The following USP32 variants were observed in gnomAD, a reference collection of about 807,000 sequenced individuals.
USP32 encodes ubiquitin carboxyl-terminal hydrolase 32.
USP32 carries 59 observed loss-of-function variants against 204.8 expected under a neutral mutation model. That is an observed-to-expected ratio of 0.29 (90% CI 0.23 to 0.36). The LOEUF is 0.36. Ranked by LOEUF, USP32 falls within the 10% of genes least tolerant of loss-of-function variation. The pLI, the probability that USP32 is intolerant of heterozygous loss-of-function variation, is 1.00. For synonymous variants in USP32, 517 were observed against 678.4 expected (o/e 0.76, Z 3.70); for missense variants, 1,160 against 1,946.4 (o/e 0.60, Z 7.60).
chr17:60,326,771 T>TA (rs928174008), intron 2 of USP32, among the ~76,000 whole-genome samples: 22 of 152,334 alleles, frequency 1.4e-4, no homozygotes, highest in African/African-American at 4.8e-4. Context: ...CAAAGAGACT[T>TA]ACTAAGTTTT....
intron 32 of USP32, among the ~76,000 whole-genome samples, chr17:60,180,888 T>C (rs2084093171): frequency 6.6e-6 from 1 of 150,560 alleles, no homozygotes; most frequent in African/African-American, 2.4e-5. Flanking sequence ...ATTATTATTA[T>C]TATTATTATT....
intron 33 of USP32, 81 bp from the exon 34 acceptor site, chr17:60,179,509 C>G: frequency 6.5e-7 from 1 of 1,548,454 alleles, no homozygotes; most frequent in South Asian, 1.2e-5. Flanking sequence ...GAAGACCAAC[C>G]CTCTGTAATT....
chr17:60,269,842 GT>G (rs2145783409), intron 6 of USP32, among the ~76,000 whole-genome samples: 1 of 151,404 alleles, frequency 6.6e-6, no homozygotes, highest in Admixed American at 6.6e-5. Context: ...TATTTTTGAA[GT>G]CAATAAATAA....
At chr17:60,298,133 T>G (rs958834791) in intron 3 of USP32, among the ~76,000 whole-genome samples, 15 of 148,734 alleles carry the variant, frequency 1.0e-4, no homozygotes, top group Admixed American at 9.9e-4. Context: ...TGCATTTAAA[T>G]ATTAAGTTTC....
At chr17:60,183,741 A>G (rs913720272) in intron 30 of USP32, among the ~76,000 whole-genome samples, 1 of 152,198 alleles carries the variant, frequency 6.6e-6, no homozygotes, top group African/African-American at 2.4e-5. Flanking sequence ...AGAGTCCACA[A>G]AGGCTTAGCC....
chr17:60,239,848 C>G (rs982099919), intron 11 of USP32, among the ~76,000 whole-genome samples: 1 of 152,214 alleles, frequency 6.6e-6, no homozygotes, highest in African/African-American at 2.4e-5. Flanking sequence ...ATTCTCCTGC[C>G]TCAACCTTCC....
intron 9 of USP32, among the ~76,000 whole-genome samples, chr17:60,263,094 A>G (rs1249429840): frequency 6.6e-6 from 1 of 151,962 alleles, no homozygotes; most frequent in Non-Finnish European, 1.5e-5. Flanking sequence ...AACTATAGAC[A>G]TGTGCTACTG....
chr17:60,338,188 G>A (rs911714265), intron 2 of USP32, among the ~76,000 whole-genome samples: 1 of 151,968 alleles, frequency 6.6e-6, no homozygotes, highest in African/African-American at 2.4e-5. Flanking sequence ...AGCTGGGCAT[G>A]GTGGTACATG....
At chr17:60,397,213 A>C (rs76772744) in intron 1 of USP32, among the ~76,000 whole-genome samples, 1,586 of 152,352 alleles carry the variant, frequency 0.01, 37 homozygotes, top group African/African-American at 0.037. Flanking sequence ...TTTCTAGATA[A>C]TAATAACTTT....
At chr17:60,240,938 A>T (rs1355881262) in intron 11 of USP32, among the ~76,000 whole-genome samples, 1 of 152,196 alleles carries the variant, frequency 6.6e-6, no homozygotes, top group Non-Finnish European at 1.5e-5. Context: ...TAAGTATAAC[A>T]TAGCTGAGCA....
At chr17:60,352,031 T>C (rs2088962462) in intron 1 of USP32, among the ~76,000 whole-genome samples, 1 of 152,048 alleles carries the variant, frequency 6.6e-6, no homozygotes, top group Admixed American at 6.5e-5. Flanking sequence ...GCAAGTAGTA[T>C]GATATAAATG....
chr17:60,298,571 T>C (rs778126186), intron 3 of USP32, among the ~76,000 whole-genome samples: 1 of 152,136 alleles, frequency 6.6e-6, no homozygotes, highest in Non-Finnish European at 1.5e-5. Flanking sequence ...TACTGTTACC[T>C]TAAGCTCCTA....
intron 5 of USP32, among the ~76,000 whole-genome samples, chr17:60,271,938 A>G (rs1426881268): frequency 6.6e-6 from 1 of 151,956 alleles, no homozygotes; most frequent in African/African-American, 2.4e-5. Context: ...CAGCCTCCCA[A>G]GTAGCTAGGA....
At chr17:60,271,524 C>T (rs1037404620) in intron 5 of USP32, 43 bp from the exon 6 acceptor site, 1 of 1,597,362 alleles carries the variant, frequency 6.3e-7, no homozygotes. Context: ...TCAGAATTCT[C>T]TTCTCAGGAG....
intron 5 of USP32, among the ~76,000 whole-genome samples, chr17:60,278,091 G>C (rs934004430): frequency 2.0e-5 from 3 of 151,908 alleles, no homozygotes; most frequent in East Asian, 3.9e-4. Context: ...ATTTTTTGTA[G>C]AGACGGGCCT....
intron 15 of USP32, 106 bp downstream of exon 15, chr17:60,222,303 A>G: frequency 7.6e-7 from 1 of 1,308,818 alleles, no homozygotes; most frequent in South Asian, 1.5e-5. Context: ...CTCTTCTACC[A>G]CAAGGTAAGA....
intron 1 of USP32, among the ~76,000 whole-genome samples, chr17:60,352,650 C>G (rs114480715): frequency 6.6e-6 from 1 of 152,080 alleles, no homozygotes; most frequent in Non-Finnish European, 1.5e-5. Context: ...ACATTGGTGT[C>G]GATGCAATAA....
chr17:60,278,528 A>G (rs1051139663), intron 5 of USP32, among the ~76,000 whole-genome samples: 22 of 152,218 alleles, frequency 1.4e-4, no homozygotes, highest in African/African-American at 4.8e-4. Context: ...CAGGATGTGT[A>G]AAAGTCTGAA....
intron 2 of USP32, among the ~76,000 whole-genome samples, chr17:60,327,100 T>C (rs1214223394): frequency 6.6e-6 from 1 of 152,236 alleles, no homozygotes; most frequent in Non-Finnish European, 1.5e-5. Flanking sequence ...ATTGGTTGTA[T>C]ATTTTCAAAT....
Sources: allele counts gnomAD v4.1 joint callset (sites outside exome capture counted in the v4.1 genomes callset), GRCh38; gene constraint gnomAD v4.1.1; transcripts MANE v1.5; gene names NCBI Gene and HGNC (gene_info 2026-07-23, HGNC 2026-07-21).